The following ETV1 variants were observed in gnomAD, a reference collection of about 807,000 sequenced individuals.
ETV1 encodes ETS variant transcription factor 1.
Under a neutral mutation model 62.3 loss-of-function variants are expected in ETV1, and 27 were observed. The observed-to-expected ratio is 0.43, with a 90% CI of 0.32 to 0.60. The LOEUF (loss-of-function observed/expected upper bound fraction) is 0.60, where lower values mean the gene tolerates loss of function less well. ETV1 is among the 20% of genes least tolerant of loss of function. The pLI, the probability that ETV1 is intolerant of heterozygous loss-of-function variation, is 0.06. For synonymous variants in ETV1, 222 were observed against 199.6 expected, an observed-to-expected ratio of 1.11 and a Z score of -0.94; for missense variants, 605 against 605.8, an observed-to-expected ratio of 1.00 and a Z score of 0.01.
At chr7:13,948,942 A>G (rs919319837) in intron 6 of ETV1, among the ~76,000 whole-genome samples, 8 of 152,164 alleles carry the variant, frequency 5.3e-5, no homozygotes, top group African/African-American at 1.7e-4. Context: ...AGCAATATAC[A>G]CAAACTAGCT....
intron 9 of ETV1, among the ~76,000 whole-genome samples, chr7:13,927,899 G>A (rs10085790): frequency 0.075 from 11,416 of 152,132 alleles, 832 homozygotes; most frequent in African/African-American, 0.19. Context: ...GAACTCAAAG[G>A]TGGTATACAA....
rs111850128 is a variant in ETV1, at chr7:13,926,552, A to T, written c.802+4950T>A. Among the ~76,000 whole-genome samples the T allele has an allele frequency of 3.9e-3, 596 of 152,310 alleles. 6 individuals are homozygous for T. The highest frequency in any genetic ancestry group is 0.013 in the African/African-American group (558 of 41,568). The stretch of plus-strand genomic sequence containing the variant: ...CGGGAATCTCCATGACGCACTCCAG[A>T]TGAAGCACTCAATGTGTATTTAACA... On this transcript the variant is annotated intron_variant, in intron 9 of 13. Transcript: ENST00000430479.
intron 6 of ETV1, among the ~76,000 whole-genome samples, chr7:13,940,450 A>C (rs1290386970): frequency 6.6e-6 from 1 of 152,134 alleles, no homozygotes; most frequent in Non-Finnish European, 1.5e-5. Flanking sequence ...GCCTATTAGA[A>C]ATCTTATCAG....
chr7:13,911,484 A>G lies in ETV1; in HGVS notation c.803-177T>C, dbSNP rs557857073. On this transcript the variant is annotated intron_variant, in intron 9 of 13. Coordinates refer to ENST00000430479, the MANE Select transcript of ETV1 (RefSeq NM_004956.5). ...CCACACATGAAATGAAAGAATGAAG[A>G]GTATATATCTTGGTGAATGCTGATT... Among the ~76,000 whole-genome samples, 31 of 152,318 alleles carry G rather than the reference A, an allele frequency of 2.0e-4. No homozygotes were observed. The East Asian group carries it at 5.6e-3, about 28-fold the overall frequency.
At chr7:13,900,961 G>GGA in intron 12 of ETV1, 122 bp from the exon 13 acceptor site, 2 of 564,856 alleles carry the variant, frequency 3.5e-6, no homozygotes, top group South Asian at 2.9e-5. Context: ...TATAAGTAAA[G>GGA]TAGCAAGAGC....
chr7:13,896,753 AAAG>A (rs1482763447), intron 13 of ETV1, among the ~76,000 whole-genome samples: 1 of 146,374 alleles, frequency 6.8e-6, no homozygotes, highest in African/African-American at 2.7e-5. Context: ...GGAAAGAAAG[AAAG>A]AAAGAAAGAA....
chr7:13,970,157 A>C (rs1292704799), intron 6 of ETV1, among the ~76,000 whole-genome samples: 2 of 151,806 alleles, frequency 1.3e-5, no homozygotes, highest in Non-Finnish European at 2.9e-5. Flanking sequence ...GCTAGCCGGG[A>C]GGCCGAGGCA....
intron 8 of ETV1, among the ~76,000 whole-genome samples, chr7:13,932,408 C>T (rs1326084104): frequency 2.0e-5 from 3 of 152,156 alleles, no homozygotes; most frequent in Non-Finnish European, 4.4e-5. Flanking sequence ...AACAGCAATG[C>T]AGACCATATT....
At chr7:13,974,302 T>C (rs1027152939) in intron 6 of ETV1, among the ~76,000 whole-genome samples, 1 of 151,980 alleles carries the variant, frequency 6.6e-6, no homozygotes, top group Admixed American at 6.6e-5. Context: ...AACTGAAAAA[T>C]TAGAAGGGCT....
Position 13,891,510 on chromosome 7 carries a change from TTCTATAAAGATA to T in ETV1, c.*4344_*4355del. The T allele has an allele frequency of 4.3e-6, 1 of 231,844 alleles. No individual in the cohort carries two copies. The highest frequency in any genetic ancestry group is 8.5e-6 in the Non-Finnish European group (1 of 117,268). The allele number at this position is 231,844 out of a possible 1,614,324, so 14.4% of individuals were successfully genotyped here. ...CTGAAAATTCTGAAATCATTAATAT[TTCTATAAAGATA>T]TCCACTTAGTCTAATCAAATTCTCC... On this transcript the variant is annotated 3_prime_UTR_variant, in exon 14 of 14. Coordinates refer to ENST00000430479, the MANE Select transcript of ETV1 (RefSeq NM_004956.5).
intron 4 of ETV1, 128 bp from the exon 5 acceptor site, chr7:13,986,813 TA>T (rs3216977): frequency 0.53 from 373,332 of 701,648 alleles, 103,197 homozygotes; most frequent in African/African-American, 0.63. Context: ...AACATAAAAA[TA>T]AAAAAAAGAG....
At chr7:13,912,816 A>T (rs1238001614) in intron 9 of ETV1, among the ~76,000 whole-genome samples, 7 of 152,224 alleles carry the variant, frequency 4.6e-5, no homozygotes, top group African/African-American at 1.7e-4. Context: ...AAAGTAAGTA[A>T]AGTCATGTTA....
At chr7:13,970,156 G>C in intron 6 of ETV1, among the ~76,000 whole-genome samples, 1 of 151,956 alleles carries the variant, frequency 6.6e-6, no homozygotes, top group East Asian at 2.0e-4. Flanking sequence ...AGCTAGCCGG[G>C]AGGCCGAGGC....
chr7:13,911,415 A>G (rs868743748), intron 9 of ETV1, 108 bp from the exon 10 acceptor site: 1 of 712,238 alleles, frequency 1.4e-6, no homozygotes, highest in Non-Finnish European at 2.5e-6. Flanking sequence ...ACAGGTTCCA[A>G]TGTGGGGAAC....
At chr7:13,988,887 A>G (rs895957409) in intron 3 of ETV1, 121 bp downstream of exon 3, 30 of 1,550,940 alleles carry the variant, frequency 1.9e-5, no homozygotes, top group Non-Finnish European at 2.6e-5. Context: ...CTACAGTGGC[A>G]ACAAAGCAGA....
In ETV1 at chr7:13,931,485, G is replaced by C. The variant is rs533736803; in HGVS notation, c.802+17C>G. ...AAAAAGTGCCTTGAATGTAATTTGCGCAGAGCGCAGGCCTACCTGAGTCAT... is the reference window on the plus strand; with the variant it reads ...AAAAAGTGCCTTGAATGTAATTTGCCCAGAGCGCAGGCCTACCTGAGTCAT... On this transcript the variant is annotated intron_variant, in intron 9 of 13. Transcript: ENST00000430479. 3.7e-6 allele frequency: 6 copies of C among 1,613,688 alleles called. No individual in the cohort carries two copies. In the Admixed American group the frequency reaches 1.0e-4, roughly 27 times the overall value.
intron 6 of ETV1, among the ~76,000 whole-genome samples, chr7:13,946,377 G>A (rs1221792714): frequency 6.6e-6 from 1 of 152,126 alleles, no homozygotes; most frequent in Non-Finnish European, 1.5e-5. Flanking sequence ...GCTGACTAAT[G>A]ATCACTTGAG....
At chr7:13,974,011 T>A (rs1324763319) in intron 6 of ETV1, among the ~76,000 whole-genome samples, 2 of 152,198 alleles carry the variant, frequency 1.3e-5, no homozygotes, top group Admixed American at 6.5e-5. Flanking sequence ...GAATGTGACG[T>A]GTTTCTTGTA....
rs1157315456 is a variant in ETV1, at chr7:13,950,911, C to CACAA, written c.236-11666_236-11665insTTGT. ...TGGCTTCTCTAGGAACACACACACA[C>CACAA]ACACACACACACACACACACACACA... On this transcript the variant is annotated intron_variant, in intron 6 of 13. Transcript: ENST00000430479. Among the ~76,000 whole-genome samples the CACAA allele has an allele frequency of 4.8e-3, 654 of 137,158 alleles. 7 individuals carry two copies. The highest frequency in any genetic ancestry group is 0.016 in the African/African-American group (624 of 39,038). 90.0% of individuals were successfully genotyped at this position (137,158 alleles called of 152,430 possible).
Sources: gnomAD v4.1 joint callset for allele counts (sites outside exome capture counted in the v4.1 genomes callset) on GRCh38, gnomAD v4.1.1 for gene constraint, MANE v1.5 for transcripts, NCBI Gene and HGNC (gene_info 2026-07-23, HGNC 2026-07-21) for gene names.